The following PDK3 variants were observed in gnomAD, a reference collection of about 807,000 sequenced individuals.
PDK3 encodes pyruvate dehydrogenase kinase 3.
A neutral mutation model predicts 32.0 loss-of-function variants in PDK3; 12 were observed. The ratio of observed to expected loss-of-function variants is 0.37; its 90% CI spans 0.24 to 0.61. The LOEUF is 0.61. Among genes scored for constraint, PDK3 ranks in the 20% least tolerant of loss-of-function variants. PDK3 has a pLI of 0.65. For missense variants in PDK3, 188 were observed against 316.9 expected, an observed-to-expected ratio of 0.59 and a Z score of 3.09; for synonymous variants, 122 against 116.3, an observed-to-expected ratio of 1.05 and a Z score of -0.31.
At chrX:24,529,601 T>C (rs1922600183) in intron 9 of PDK3, among the ~76,000 whole-genome samples, 1 of 110,171 alleles carries the variant, frequency 9.1e-6, no homozygotes, top group African/African-American at 3.3e-5. Flanking sequence ...CTACTAAAAA[T>C]ACACGAAAAT....
exon 12 of PDK3, among the ~76,000 whole-genome samples, chrX:24,543,056 G>A (rs972208264): frequency 3.6e-5 from 4 of 111,886 alleles, no homozygotes; most frequent in African/African-American, 1.3e-4. Flanking sequence ...TGACCTGATT[G>A]TTTGCCCTGG....
downstream of PDK3, among the ~76,000 whole-genome samples, chrX:24,535,623 T>G (rs1922757213): frequency 9.0e-6 from 1 of 111,298 alleles, no homozygotes; most frequent in Non-Finnish European, 1.9e-5. Context: ...TATAGCTTCG[T>G]GTATATTCTT....
chrX:24,485,549 G>A (rs1449426264), intron 1 of PDK3, among the ~76,000 whole-genome samples: 1 of 110,725 alleles, frequency 9.0e-6, no homozygotes, highest in Non-Finnish European at 1.9e-5. Flanking sequence ...GGCAGGAGTG[G>A]CAGGAAGGCT....
At chrX:24,495,108 A>G (rs1284466412) in intron 2 of PDK3, among the ~76,000 whole-genome samples, 1 of 112,254 alleles carries the variant, frequency 8.9e-6, no homozygotes, top group Non-Finnish European at 1.9e-5. Flanking sequence ...TATACTAGAC[A>G]CTTTCCTGAG....
rs180810120 is a variant in PDK3, at chrX:24,506,875, A to G, written c.595+1577A>G. 7.8e-5 allele frequency among the ~76,000 whole-genome samples: 7 copies of G among 89,178 alleles called. No homozygotes were observed. In the East Asian group the frequency reaches 2.4e-3, roughly 30 times the overall value. The allele number at this position is 89,178 out of a possible 115,157, so 77.4% of individuals were successfully genotyped here. On this transcript the variant is annotated intron_variant, in intron 5 of 10. Transcript: ENST00000379162. ...GCCCAGGCTGGAGTGCAGTGGTACG[A>G]TCTCAGCTCACCGCAAGCTCTGTCC... is the stretch of plus-strand genomic sequence containing the variant.
intron 5 of PDK3, among the ~76,000 whole-genome samples, chrX:24,507,145 G>C (rs967238397): frequency 9.0e-6 from 1 of 110,812 alleles, no homozygotes; most frequent in Non-Finnish European, 1.9e-5. Flanking sequence ...AGAAACCCTG[G>C]ACCTGTTAGC....
intron 3 of PDK3, among the ~76,000 whole-genome samples, chrX:24,502,340 A>G (rs1004416223): frequency 2.7e-5 from 3 of 111,643 alleles, no homozygotes; most frequent in African/African-American, 9.8e-5. Context: ...TTACCTACTG[A>G]TTTGCAATGT....
intron 1 of PDK3, among the ~76,000 whole-genome samples, chrX:24,491,997 A>G (rs1322675147): frequency 9.0e-6 from 1 of 111,716 alleles, no homozygotes; most frequent in Non-Finnish European, 1.9e-5. Context: ...AGTCTTTGTC[A>G]TCCCACAGTG....
intron 1 of PDK3, among the ~76,000 whole-genome samples, chrX:24,466,681 A>G (rs1249787097): frequency 9.0e-6 from 1 of 110,981 alleles, no homozygotes; most frequent in Non-Finnish European, 1.9e-5. Flanking sequence ...GTTAAAGTTG[A>G]GACCAAATTA....
chrX:24,537,837 A>G (rs1320378661), downstream of PDK3, among the ~76,000 whole-genome samples: 1 of 112,224 alleles, frequency 8.9e-6, no homozygotes, highest in Admixed American at 9.4e-5. Context: ...CTGCTACGCA[A>G]TATTGCTGGA....
At chrX:24,500,689 G>A (rs938686014) in intron 3 of PDK3, among the ~76,000 whole-genome samples, 1 of 112,255 alleles carries the variant, frequency 8.9e-6, no homozygotes, top group African/African-American at 3.2e-5. Flanking sequence ...GGAGTGAAAG[G>A]TGAGCGAGTA....
intron 10 of PDK3, among the ~76,000 whole-genome samples, chrX:24,533,139 C>CTTTTTTTTTTTTTTTTTTTTTTTT (rs35816110): frequency 1.1e-5 from 1 of 93,090 alleles, no homozygotes; most frequent in Non-Finnish European, 2.2e-5. Context: ...CTTTCTTTTT[C>CTTTTTTTTTTTTTTTTTTTTTTTT]TTTTTTTTTT....
At chrX:24,508,084 G>A (rs1290144301) in intron 5 of PDK3, among the ~76,000 whole-genome samples, 1 of 111,918 alleles carries the variant, frequency 8.9e-6, no homozygotes, top group Non-Finnish European at 1.9e-5. Context: ...AAGAAAAGAG[G>A]TTTGATTGAC....
chrX:24,527,250 A>C (rs1342117172), intron 7 of PDK3, among the ~76,000 whole-genome samples: 4 of 108,628 alleles, frequency 3.7e-5, no homozygotes, highest in Non-Finnish European at 7.6e-5. Context: ...TGCGATAAAA[A>C]CATTCCTCTG....
exon 12 of PDK3, chrX:24,550,246 G>T (rs1923073529): frequency 8.9e-6 from 1 of 111,748 alleles, no homozygotes; most frequent in African/African-American, 3.3e-5. Flanking sequence ...CATGATGAAG[G>T]ATGACTTTGG....
chrX:24,528,238 C>T, intron 9 of PDK3, 52 bp downstream of exon 9: 4 of 655,321 alleles, frequency 6.1e-6, no homozygotes, highest in Non-Finnish European at 9.8e-6. Flanking sequence ...CAGGAAGGGG[C>T]TCAGAGGGAG....
intron 9 of PDK3, among the ~76,000 whole-genome samples, 179 bp downstream of exon 9, chrX:24,528,365 C>T (rs1049992463): frequency 4.4e-5 from 5 of 112,533 alleles, no homozygotes; most frequent in Non-Finnish European, 7.5e-5. Context: ...ATCCTTTGGA[C>T]TTCAATTTCC....
At chrX:24,506,889 C>A (rs1331327812) in intron 5 of PDK3, among the ~76,000 whole-genome samples, 1 of 102,799 alleles carries the variant, frequency 9.7e-6, no homozygotes, top group African/African-American at 3.6e-5. Context: ...CAGCTCACCG[C>A]AAGCTCTGTC....
In PDK3 at chrX:24,522,252, T is replaced by G. The variant is rs1281947802; in HGVS notation, c.673+3242T>G. ...TGGAAAATTCATATTCTACTTATTT[T>G]ATAAGTCAGCAAACATCTATTAAGC... On this transcript the variant is annotated intron_variant, in intron 6 of 10. Coordinates refer to ENST00000379162, the MANE Select transcript of PDK3 (RefSeq NM_005391.5). Among the ~76,000 whole-genome samples the G allele has an allele frequency of 6.3e-5, 7 of 111,634 alleles. No homozygotes were observed. The Admixed American group carries it at 6.7e-4, about 11-fold the overall frequency.
Sources: gnomAD v4.1 joint callset for allele counts (sites outside exome capture counted in the v4.1 genomes callset) on GRCh38, gnomAD v4.1.1 for gene constraint, MANE v1.5 for transcripts, NCBI Gene and HGNC (gene_info 2026-07-23, HGNC 2026-07-21) for gene names.